Variants in SLC25A28 observed in about 807,000 individuals in gnomAD.
SLC25A28 encodes the protein mitoferrin-2.
In SLC25A28, 10 loss-of-function variants were observed where a neutral mutation model predicts 31.9. That is an observed-to-expected ratio of 0.31 (90% CI 0.19 to 0.53). SLC25A28 has a LOEUF of 0.53. Among genes scored for constraint, SLC25A28 ranks in the 20% least tolerant of loss-of-function variants. The pLI is 0.95. For synonymous variants in SLC25A28, 208 were observed against 203.6 expected, an observed-to-expected ratio of 1.02 and a Z score of -0.19; for missense variants, 256 against 490.3, an observed-to-expected ratio of 0.52 and a Z score of 4.51.
At chr10:99,624,199 CTTTG>C (rs1477827749), upstream of SLC25A28, among the ~76,000 whole-genome samples, 4 of 137,832 alleles carry the variant, frequency 2.9e-5, no homozygotes, top group Non-Finnish European at 6.3e-5. Context: ...TTCCTTCTTT[CTTTG>C]TTTCTTTCTT....
intron 1 of SLC25A28, chr10:99,618,242 G>A: frequency 1.0e-5 from 10 of 964,722 alleles, no homozygotes; most frequent in Non-Finnish European, 1.2e-5. Flanking sequence ...TAAATATATG[G>A]AGTAAGGAGA....
At position 99,620,136 on chromosome 10, in the gene SLC25A28, G is replaced by A. The variant is rs1391322873; in HGVS notation, c.200C>T (p.Pro67Leu). 2.5e-6 allele frequency: 4 copies of A among 1,580,440 alleles called. No individual in the cohort carries two copies. Among genetic ancestry groups the A allele is most frequent in the African/African-American group, 1.4e-5 (1 of 73,052 alleles). ...GTGCGTGGTGACAGTGGCTCCAGCC[G>A]GCAGCGCCTCGTAGTCCGGGCCGGA... ...PDSGPDYEAL[P>L]AGATVTTHMV... Residue 67 changes from proline (P) to leucine (L), a missense_variant, in exon 1 of 4, where the codon CCG becomes CTG. By Grantham distance (98) the Pro-to-Leu change is moderately conservative. Around this residue, in one of 4 missense-constraint regions of SLC25A28, gnomAD observed 41 missense variants for 41.7 expected, o/e 0.98. Transcript: ENST00000370495.
At chr10:99,654,553 T>C in the SLC25A28 span, among the ~76,000 whole-genome samples, 1 of 151,856 alleles carries the variant, frequency 6.6e-6, no homozygotes, top group Non-Finnish European at 1.5e-5. Flanking sequence ...TCCCAGTTAC[T>C]CAGGAGGCAG....
the SLC25A28 span, among the ~76,000 whole-genome samples, chr10:99,657,072 TTC>T: frequency 6.6e-6 from 1 of 152,240 alleles, no homozygotes; most frequent in Admixed American, 6.5e-5. Context: ...TGTAGGTCTT[TTC>T]TGTTTTATGA....
Position 99,610,784 on chromosome 10 carries a change from G to T in SLC25A28, c.*65C>A, listed in dbSNP as rs182150592. ...TCCACTTGAGGTGGGAGCATTCCAGGAGACAGAGAATGTGACCAGGATGCA... is the reference window on the plus strand; with the variant it reads ...TCCACTTGAGGTGGGAGCATTCCAGTAGACAGAGAATGTGACCAGGATGCA... On this transcript the variant is annotated 3_prime_UTR_variant, in exon 4 of 4. Transcript: ENST00000370495. 3.5e-4 allele frequency: 548 copies of T among 1,553,288 alleles called. 3 individuals are homozygous for T. In the African/African-American group the frequency reaches 6.2e-3, roughly 18 times the overall value.
the SLC25A28 span, among the ~76,000 whole-genome samples, chr10:99,642,092 A>G: frequency 6.6e-6 from 1 of 151,882 alleles, no homozygotes; most frequent in African/African-American, 2.4e-5. Flanking sequence ...AGTTTTTTCC[A>G]ATTCTGTGAA....
At chr10:99,621,612 A>C (rs1361246498), upstream of SLC25A28, 1 of 152,304 alleles carries the variant, frequency 6.6e-6, no homozygotes, top group Non-Finnish European at 1.5e-5. Flanking sequence ...TCCCGGCCTT[A>C]GGACCTCCTG....
At position 99,615,825 on chromosome 10, in the gene SLC25A28, G is replaced by A. The variant is rs927608745; in HGVS notation, c.292-1901C>T. On this transcript the variant is annotated intron_variant, in intron 1 of 3. Transcript: ENST00000370495. ...TTTATTCAAAACTGATCTTGTATAA[G>A]GGGAATGTTCAGCAATTGCATTGCT... is the stretch of plus-strand genomic sequence containing the variant. 9.5e-5 allele frequency: 94 copies of A among 985,364 alleles called. 1 individual carries two copies. The Middle Eastern group carries it at 4.2e-3, about 44-fold the overall frequency. 61.0% of individuals were successfully genotyped at this position (985,364 alleles called of 1,614,324 possible).
chr10:99,629,823 T>C, the SLC25A28 span, among the ~76,000 whole-genome samples: 85 of 152,278 alleles, frequency 5.6e-4, no homozygotes, highest in Admixed American at 5.2e-3. Flanking sequence ...ACTAGGTAGA[T>C]GTAGTGGTTG....
chr10:99,646,356 A>G, the SLC25A28 span, among the ~76,000 whole-genome samples: 1 of 152,224 alleles, frequency 6.6e-6, no homozygotes, highest in African/African-American at 2.4e-5. Context: ...GGACCCTCTA[A>G]GCCATGTGTG....
rs1194720026 is a variant in SLC25A28, at chr10:99,620,371, CGCT to C, written c.-39_-37del. 4 of 1,099,332 alleles carry C rather than the reference CGCT, an allele frequency of 3.6e-6. No individual in the cohort carries two copies. Among genetic ancestry groups the C allele is most frequent in the Non-Finnish European group, 4.4e-6 (4 of 904,196 alleles). The allele number at this position is 1,099,332 out of a possible 1,614,324, so 68.1% of individuals were successfully genotyped here. Reference sequence around the variant, plus strand: ...CAGCTGCGGCGCCCACCCCCGCCGCCGCTGCCACCACTGCCGCCGCCGCCCCCC... The same window carrying C: ...CAGCTGCGGCGCCCACCCCCGCCGCCGCCACCACTGCCGCCGCCGCCCCCC... On this transcript the variant is annotated 5_prime_UTR_variant, in exon 1 of 4. Transcript: ENST00000370495.
intron 1 of SLC25A28, chr10:99,617,898 C>T (rs1182473611): frequency 1.9e-6 from 1 of 534,140 alleles, no homozygotes; most frequent in East Asian, 1.5e-4. Flanking sequence ...CCTTGGAAGG[C>T]TACAATTGAC....
chr10:99,637,495 G>A, the SLC25A28 span, among the ~76,000 whole-genome samples: 1 of 152,220 alleles, frequency 6.6e-6, no homozygotes, highest in South Asian at 2.1e-4. Context: ...AAATCAAACT[G>A]TCACTGTTTG....
the SLC25A28 span, among the ~76,000 whole-genome samples, chr10:99,654,792 T>C: frequency 3.3e-5 from 5 of 152,222 alleles, no homozygotes; most frequent in Non-Finnish European, 7.3e-5. Flanking sequence ...TGGAGTGCGG[T>C]GGCTACTGAT....
the SLC25A28 span, among the ~76,000 whole-genome samples, chr10:99,646,981 C>T: frequency 1.3e-5 from 2 of 152,172 alleles, no homozygotes; most frequent in African/African-American, 2.4e-5. Flanking sequence ...ACCAGTGTTG[C>T]TGGGAAAGAT....
intron 2 of SLC25A28, chr10:99,612,803 C>T (rs2034561311): frequency 2.6e-5 from 16 of 618,738 alleles, no homozygotes; most frequent in Non-Finnish European, 8.6e-6. Context: ...TGTAAGGTCA[C>T]TAATGTATTC....
chr10:99,612,471 T>A lies in SLC25A28; in HGVS notation c.577+72A>T, dbSNP rs78178035. Reference sequence around the variant, plus strand: ...ACAGAATTTCCCACCAAAACTGATGTGCTTTCTTCTGCAAACTGTAAAGAA... The same window carrying A: ...ACAGAATTTCCCACCAAAACTGATGAGCTTTCTTCTGCAAACTGTAAAGAA... On this transcript the variant is annotated intron_variant, in intron 3 of 3. Transcript: ENST00000370495. 5.2e-6 allele frequency: 8 copies of A among 1,545,956 alleles called. No individual in the cohort carries two copies. The East Asian group carries it at 1.8e-4, about 35-fold the overall frequency.
the SLC25A28 span, among the ~76,000 whole-genome samples, chr10:99,634,912 ATAAAGGAAAAC>A: frequency 1.3e-5 from 2 of 152,232 alleles, no homozygotes; most frequent in Non-Finnish European, 2.9e-5. Flanking sequence ...CAGGTAACCT[ATAAAGGAAAAC>A]CCATCAGATT....
chr10:99,625,291 A>G (rs1590004716), upstream of SLC25A28, among the ~76,000 whole-genome samples: 1 of 152,154 alleles, frequency 6.6e-6, no homozygotes, highest in East Asian at 1.9e-4. Flanking sequence ...TAGGGTGGCC[A>G]GCTTTTATTC....
Sources: gnomAD v4.1 joint callset for allele counts (sites outside exome capture counted in the v4.1 genomes callset) on GRCh38, gnomAD v4.1.1 for gene constraint, gnomAD v4.1.1 regional missense constraint, MANE v1.5 for transcripts, NCBI Gene and HGNC (gene_info 2026-07-23, HGNC 2026-07-21) for gene names.